Variants in MTA3 observed in about 807,000 individuals in gnomAD.
MTA3 encodes the protein metastasis associated 1 family member 3.
MTA3 carries 34 observed loss-of-function variants against 83.5 expected under a neutral mutation model. The observed-to-expected ratio is 0.41, with a 90% CI of 0.31 to 0.54. MTA3 has a LOEUF of 0.54. MTA3 is among the 20% of genes least tolerant of loss of function. The pLI is 0.33. For synonymous variants in MTA3, 303 were observed against 252.7 expected (o/e 1.20, Z -1.89); for missense variants, 761 against 726.4 (o/e 1.05, Z -0.55).
chr2:42,605,900 T>C (rs1683275210), intron 3 of MTA3, among the ~76,000 whole-genome samples: 1 of 90,172 alleles, frequency 1.1e-5, no homozygotes, highest in African/African-American at 4.5e-5. Context: ...GCTCCTCACT[T>C]CCCAGTAGGG....
intron 9 of MTA3, among the ~76,000 whole-genome samples, chr2:42,683,362 T>C (rs992857252): frequency 6.6e-6 from 1 of 152,218 alleles, no homozygotes; most frequent in Non-Finnish European, 1.5e-5. Context: ...ATTTGTTTTA[T>C]GGGCTTTTGA....
At chr2:42,726,957 C>T (rs1667869611) in intron 16 of MTA3, among the ~76,000 whole-genome samples, 1 of 152,192 alleles carries the variant, frequency 6.6e-6, no homozygotes, top group Non-Finnish European at 1.5e-5. Context: ...ACTCTGGAGG[C>T]CAAAGCGGGA....
chr2:42,756,752 C>A lies in MTA3; in HGVS notation c.*3353C>A. 2.0e-6 allele frequency: 2 copies of A among 985,482 alleles called. No individual in the cohort carries two copies. Among genetic ancestry groups the A allele is most frequent in the Non-Finnish European group, 2.4e-6 (2 of 829,958 alleles). 61.0% of individuals were successfully genotyped at this position (985,482 alleles called of 1,614,324 possible). ...CCATGTCCCAGTTTTCTGTCCACCC[C>A]TCCTGTTCCTCTGCACTATGTCTCT... On this transcript the variant is annotated 3_prime_UTR_variant, in exon 17 of 17. Transcript: ENST00000405094.
chr2:42,622,984 A>G (rs1257179929), intron 4 of MTA3, among the ~76,000 whole-genome samples: 1 of 152,240 alleles, frequency 6.6e-6, no homozygotes, highest in East Asian at 1.9e-4. Flanking sequence ...TACAAAAGCC[A>G]GAAGAGATTC....
In MTA3 at chr2:42,536,579, G is replaced by A. The variant is rs1676247359; in HGVS notation, c.-140-33858G>A. 2.0e-5 allele frequency among the ~76,000 whole-genome samples: 3 copies of A among 152,276 alleles called. No homozygotes were observed. In the South Asian group the frequency reaches 6.2e-4, roughly 32 times the overall value. ...GAGTGATTAGGAGTATATAGTGGAG[G>A]CTGGGCGTGGTGGCTCACGCCTGTA... On this transcript the variant is annotated intron_variant, in intron 2 of 17. Coordinates refer to the MTA3 transcript ENST00000405592.
chr2:42,542,793 G>C (rs1258883549), intron 2 of MTA3, among the ~76,000 whole-genome samples: 1 of 152,008 alleles, frequency 6.6e-6, no homozygotes, highest in African/African-American at 2.4e-5. Flanking sequence ...CTGACCTTAA[G>C]TGACCTGTCC....
chr2:42,620,480 T>C (rs974262608), intron 4 of MTA3, among the ~76,000 whole-genome samples: 1 of 152,096 alleles, frequency 6.6e-6, no homozygotes, highest in African/African-American at 2.4e-5. Context: ...CTGTTGCATA[T>C]TGATGTGTGA....
chr2:42,576,152 T>A (rs563437911), intron 2 of MTA3, among the ~76,000 whole-genome samples: 76 of 152,272 alleles, frequency 5.0e-4, no homozygotes, highest in African/African-American at 1.7e-3. Context: ...ATGTACATGG[T>A]CTCTACCCAT....
intron 9 of MTA3, among the ~76,000 whole-genome samples, chr2:42,692,520 G>C (rs1573640805): frequency 6.6e-6 from 1 of 151,736 alleles, no homozygotes; most frequent in Non-Finnish European, 1.5e-5. Context: ...CACCTCCCGG[G>C]TTCAAGCAAT....
At chr2:42,644,896 C>G (rs1005085416) in intron 6 of MTA3, among the ~76,000 whole-genome samples, 2 of 152,070 alleles carry the variant, frequency 1.3e-5, no homozygotes, top group Non-Finnish European at 2.9e-5. Flanking sequence ...CCTGGGGTCT[C>G]CCTATTTTAT....
At chr2:42,554,777 A>C (rs1677298065) in intron 2 of MTA3, among the ~76,000 whole-genome samples, 1 of 152,204 alleles carries the variant, frequency 6.6e-6, no homozygotes, top group Non-Finnish European at 1.5e-5. Flanking sequence ...GTTTGTGTGC[A>C]GCAGGTGGAG....
At chr2:42,560,329 G>A (rs576848742) in intron 2 of MTA3, among the ~76,000 whole-genome samples, 6 of 150,932 alleles carry the variant, frequency 4.0e-5, no homozygotes, top group Middle Eastern at 6.8e-3. Flanking sequence ...TTAAAACTGC[G>A]TCACTGGCAA....
At chr2:42,651,668 G>A (rs765224805) in intron 6 of MTA3, among the ~76,000 whole-genome samples, 4 of 151,880 alleles carry the variant, frequency 2.6e-5, no homozygotes, top group Admixed American at 1.3e-4. Flanking sequence ...ATGGTGGTGC[G>A]TGCCTGTAGG....
chr2:42,670,081 G>A (rs1558565138), intron 8 of MTA3, among the ~76,000 whole-genome samples: 2 of 152,266 alleles, frequency 1.3e-5, no homozygotes, highest in Non-Finnish European at 1.5e-5. Context: ...CCAACATGGT[G>A]AAACCCCATC....
At chr2:42,713,479 G>A (rs1300230119) in intron 14 of MTA3, among the ~76,000 whole-genome samples, 6 of 152,028 alleles carry the variant, frequency 3.9e-5, no homozygotes, top group Non-Finnish European at 8.8e-5. Context: ...GGTATAAGCC[G>A]AGGGAGTTTA....
At chr2:42,555,406 GAT>G in intron 2 of MTA3, among the ~76,000 whole-genome samples, 1 of 118,198 alleles carries the variant, frequency 8.5e-6, no homozygotes, top group Non-Finnish European at 1.6e-5. Flanking sequence ...GGTAAGCTGA[GAT>G]TGCACCATTG....
intron 14 of MTA3, among the ~76,000 whole-genome samples, chr2:42,717,020 A>G (rs544019501): frequency 3.3e-5 from 5 of 151,812 alleles, no homozygotes; most frequent in African/African-American, 9.7e-5. Context: ...AATGATAGCA[A>G]TTCTGACTAG....
chr2:42,604,440 C>A (rs534081706), intron 3 of MTA3, among the ~76,000 whole-genome samples: 50 of 152,260 alleles, frequency 3.3e-4, no homozygotes, highest in Middle Eastern at 6.8e-3. Flanking sequence ...AAAAATAAAG[C>A]CCCTTTTACA....
chr2:42,539,292 G>A (rs1024881989), intron 2 of MTA3, among the ~76,000 whole-genome samples: 1 of 152,124 alleles, frequency 6.6e-6, no homozygotes, highest in South Asian at 2.1e-4. Context: ...CCGCAGGGCT[G>A]GGGAGGCTTC....
Sources: gnomAD v4.1 joint callset for allele counts (sites outside exome capture counted in the v4.1 genomes callset) on GRCh38, gnomAD v4.1.1 for gene constraint, MANE v1.5 for transcripts, NCBI Gene and HGNC (gene_info 2026-07-23, HGNC 2026-07-21) for gene names.